The following NANOG variants were observed in gnomAD, a reference collection of about 807,000 sequenced individuals.
The protein encoded by NANOG is Nanog homeobox, also known as homeobox protein NANOG.
In NANOG, 2 loss-of-function variants were observed where a neutral mutation model predicts 17.7. The observed-to-expected ratio is 0.11, with a 90% CI of 0.05 to 0.36. The LOEUF (loss-of-function observed/expected upper bound fraction) is 0.36. Ranked by LOEUF, NANOG falls within the 10% of genes least tolerant of loss-of-function variation. The probability of loss-of-function intolerance (pLI) is 1.00; values close to 1 mark genes in which losing one functional copy is unlikely to be tolerated. For synonymous variants in NANOG, 81 were observed against 124.7 expected (o/e 0.65, Z 2.33); for missense variants, 174 against 362.1 (o/e 0.48, Z 4.22).
At position 7,796,719 on chromosome 12, in the gene NANOG, TGTTACTAA is replaced by T. The variant is rs1221070715; in HGVS notation, c.*1626_*1633del. ...TCTCATTATTTCCCCAATTGTCCAATGTTACTAAGACTATCCAGTCTAATTCCAAGTGT... is the reference window on the plus strand; with the variant it reads ...TCTCATTATTTCCCCAATTGTCCAATGACTATCCAGTCTAATTCCAAGTGT... On this transcript the variant is annotated 3_prime_UTR_variant, in exon 4 of 4. Transcript: ENST00000229307. 9.1e-5 allele frequency: 7 copies of T among 77,208 alleles called. No homozygotes were observed. Among genetic ancestry groups the T allele is most frequent in the African/African-American group, 2.1e-4 (7 of 32,924 alleles). 4.8% of individuals were successfully genotyped at this position (77,208 alleles called of 1,614,324 possible). A position where few individuals can be genotyped will look rare whatever the true frequency, so the allele number is the denominator to read the frequency against.
At position 7,789,488 on chromosome 12, in the gene NANOG, A is replaced by G; in HGVS notation, c.-127A>G. The G allele has an allele frequency of 2.6e-6, 2 of 770,910 alleles. No individual in the cohort carries two copies. The highest frequency in any genetic ancestry group is 4.2e-6 in the Non-Finnish European group (2 of 475,526). The allele number at this position is 770,910 out of a possible 1,614,324, so 47.8% of individuals were successfully genotyped here. On this transcript the variant is annotated 5_prime_UTR_variant, in exon 1 of 4. Coordinates refer to ENST00000229307, the MANE Select transcript of NANOG (RefSeq NM_024865.4). Reference sequence around the variant, plus strand: ...TTATGCAGGCAACTCACTTTATCCCAATTTCTTGATACTTTTCCTTCTGGA... The same window carrying G: ...TTATGCAGGCAACTCACTTTATCCCGATTTCTTGATACTTTTCCTTCTGGA...
chr12:7,793,240 G>C, intron 2 of NANOG, 28 bp downstream of exon 2: 3 of 1,610,302 alleles, frequency 1.9e-6, no homozygotes, highest in Non-Finnish European at 2.5e-6. Context: ...TTGGAATAAG[G>C]TGAACAAAAA....
rs1414452387 is a variant in NANOG, at chr12:7,796,757, T to A, written c.*1662T>A. 2 of 69,808 alleles carry A rather than the reference T, an allele frequency of 2.9e-5. No homozygotes were observed. Among genetic ancestry groups the A allele is most frequent in the African/African-American group, 6.5e-5 (2 of 30,978 alleles). The allele number at this position is 69,808 out of a possible 1,614,324, so 4.3% of individuals were successfully genotyped here. ...ATCCAGTCTAATTCCAAGTGTTTTT[T>A]TTTTGTTTTATTTTGTTTTTTTTTA... is the stretch of plus-strand genomic sequence containing the variant. On this transcript the variant is annotated 3_prime_UTR_variant, in exon 4 of 4. Coordinates refer to ENST00000229307, the MANE Select transcript of NANOG (RefSeq NM_024865.4).
At chr12:7,792,925 G>GT in intron 1 of NANOG, 25 bp from the exon 2 acceptor site, 1 of 1,560,634 alleles carries the variant, frequency 6.4e-7, no homozygotes, top group Non-Finnish European at 8.6e-7. Flanking sequence ...TTAGACAAAA[G>GT]TGTCCTTTTA....
At position 7,789,489 on chromosome 12, in the gene NANOG, A is replaced by G. The variant is rs1862804018; in HGVS notation, c.-126A>G. The G allele has an allele frequency of 3.8e-6, 3 of 781,224 alleles. No homozygotes were observed. Among genetic ancestry groups the G allele is most frequent in the Admixed American group, 2.7e-5 (1 of 37,030 alleles). The allele number at this position is 781,224 out of a possible 1,614,324, so 48.4% of individuals were successfully genotyped here. ...TATGCAGGCAACTCACTTTATCCCA[A>G]TTTCTTGATACTTTTCCTTCTGGAG... On this transcript the variant is annotated 5_prime_UTR_variant, in exon 1 of 4. Transcript: ENST00000229307.
At position 7,797,447 on chromosome 12, in the gene NANOG, T is replaced by G. The variant is rs964109921; in HGVS notation, c.*2352T>G. ...ATCTCTACTCACTGCAACCTGCACC[T>G]CCCAGGTTCAAGTGATTCTCTTGCC... On this transcript the variant is annotated 3_prime_UTR_variant, in exon 4 of 4. Coordinates refer to ENST00000229307, the MANE Select transcript of NANOG (RefSeq NM_024865.4). 1.4e-5 allele frequency: 2 copies of G among 147,076 alleles called. No homozygotes were observed. Among genetic ancestry groups the G allele is most frequent in the African/African-American group, 2.5e-5 (1 of 40,080 alleles). The allele number at this position is 147,076 out of a possible 1,614,324, so 9.1% of individuals were successfully genotyped here. A position where few individuals can be genotyped will look rare whatever the true frequency, so the allele number is the denominator to read the frequency against.
intron 2 of NANOG, among the ~76,000 whole-genome samples, chr12:7,793,533 T>C (rs2120570209): frequency 6.6e-6 from 1 of 152,340 alleles, no homozygotes; most frequent in East Asian, 1.9e-4. Context: ...CTCACACTGG[T>C]TCTCATTAAA....
rs1228243187 is a variant in NANOG at position 7,798,880 on chromosome 12, C to T, written c.*3785C>T. On this transcript the variant is annotated 3_prime_UTR_variant, in exon 4 of 4. Transcript: ENST00000229307. ...TAAATATTGCATGCCTCCTGGGGCCCCCATGGGCTTTGACTCAAGGGGGAG... is the reference window on the plus strand; with the variant it reads ...TAAATATTGCATGCCTCCTGGGGCCTCCATGGGCTTTGACTCAAGGGGGAG... 6 of 144,236 alleles carry T rather than the reference C, an allele frequency of 4.2e-5. No individual in the cohort carries two copies. In the East Asian group the frequency reaches 1.2e-3, roughly 29 times the overall value. 8.9% of individuals were successfully genotyped at this position (144,236 alleles called of 1,614,324 possible).
chr12:7,796,702 T>C lies in NANOG; in HGVS notation c.*1607T>C, dbSNP rs1592119439. On this transcript the variant is annotated 3_prime_UTR_variant, in exon 4 of 4. Transcript: ENST00000229307. The stretch of plus-strand genomic sequence containing the variant: ...TTTTTTCCAGTCTTTTCTCTCATTA[T>C]TTCCCCAATTGTCCAATGTTACTAA... 1 of 21,920 alleles carries C rather than the reference T, an allele frequency of 4.6e-5. No individual in the cohort carries two copies. The highest frequency in any genetic ancestry group is 3.6e-4 in the Non-Finnish European group (1 of 2,804). The allele number at this position is 21,920 out of a possible 1,614,324, so 1.4% of individuals were successfully genotyped here.
rs749126222 is a variant in NANOG, at chr12:7,789,457, A to T, written c.-158A>T. On this transcript the variant is annotated 5_prime_UTR_variant, in exon 1 of 4. The change abolishes an upstream ATG in the 5' untranslated region. Coordinates refer to ENST00000229307, the MANE Select transcript of NANOG (RefSeq NM_024865.4). ...TCTGCTGGACTGAGCTGGTTGCCTC[A>T]TGTTATTATGCAGGCAACTCACTTT... is the stretch of plus-strand genomic sequence containing the variant. 342 of 631,718 alleles carry T rather than the reference A, an allele frequency of 5.4e-4. 1 individual carries two copies. The African/African-American group carries it at 5.4e-3, about 10-fold the overall frequency. 39.1% of individuals were successfully genotyped at this position (631,718 alleles called of 1,614,324 possible). A position where few individuals can be genotyped will look rare whatever the true frequency, so the allele number is the denominator to read the frequency against.
chr12:7,792,966 C>T lies in NANOG; in HGVS notation c.168C>T (p.Ser56=), dbSNP rs1862862546. 6.2e-7 allele frequency: 1 copy of T among 1,605,906 alleles called. No homozygotes were observed. The highest frequency in any genetic ancestry group is 1.7e-5 in the Admixed American group (1 of 59,156). The change falls in exon 2 of 4, where the codon TCC becomes TCT. Residue 56 remains serine, a synonymous_variant. Transcript: ENST00000229307. ...TCCCAACAGTCTCTCCTCTTCCTTC[C>T]TCCATGGATCTGCTTATTCAGGACA... is the stretch of plus-strand genomic sequence containing the variant. ...PHTETVSPLP[S]SMDLLIQDSP...
chr12:7,798,623 G>A lies in NANOG; in HGVS notation c.*3528G>A, dbSNP rs1183654891. On this transcript the variant is annotated 3_prime_UTR_variant, in exon 4 of 4. Coordinates refer to ENST00000229307, the MANE Select transcript of NANOG (RefSeq NM_024865.4). The stretch of plus-strand genomic sequence containing the variant: ...TGGATTGAATTTGCCTGGGTTTTCC[G>A]AATTTCATAATATAAATTTAAAACT... The A allele has an allele frequency of 2.0e-5, 3 of 150,842 alleles. No homozygotes were observed. The highest frequency in any genetic ancestry group is 2.9e-5 in the Non-Finnish European group (2 of 67,848). The allele number at this position is 150,842 out of a possible 1,614,324, so 9.3% of individuals were successfully genotyped here.
Position 7,796,539 on chromosome 12 carries a change from A to G in NANOG, c.*1444A>G, listed in dbSNP as rs1239429175. ...AACAGATTTATGTTCTCACCTTAAG[A>G]GCAGCTACGCAGGCATCTGTGAATT... On this transcript the variant is annotated 3_prime_UTR_variant, in exon 4 of 4. Transcript: ENST00000229307. The G allele has an allele frequency of 6.6e-6, 1 of 152,196 alleles. No individual in the cohort carries two copies. Among genetic ancestry groups the G allele is most frequent in the Non-Finnish European group, 1.5e-5 (1 of 68,028 alleles). 9.4% of individuals were successfully genotyped at this position (152,196 alleles called of 1,614,324 possible).
chr12:7,791,215 T>C (rs114696665), intron 1 of NANOG, among the ~76,000 whole-genome samples: 60 of 151,936 alleles, frequency 3.9e-4, no homozygotes, highest in African/African-American at 1.4e-3. Flanking sequence ...TTCAGGTGAT[T>C]TCTCCTGTCT....
rs1862963257 is a variant in NANOG at position 7,798,961 on chromosome 12, C to CA, written c.*3867dup. ...CTGGGACAGACAAAAGCTTCCGGCACAGGAAGTTAGTTCGACTAAGGATAC... is the reference window on the plus strand; with the variant it reads ...CTGGGACAGACAAAAGCTTCCGGCACAAGGAAGTTAGTTCGACTAAGGATAC... On this transcript the variant is annotated 3_prime_UTR_variant, in exon 4 of 4. Transcript: ENST00000229307. 1 of 148,806 alleles carries CA rather than the reference C, an allele frequency of 6.7e-6. No homozygotes were observed. Among genetic ancestry groups the CA allele is most frequent in the Non-Finnish European group, 1.5e-5 (1 of 67,400 alleles). The allele number at this position is 148,806 out of a possible 1,614,324, so 9.2% of individuals were successfully genotyped here.
chr12:7,794,497 G>T lies in NANOG; in HGVS notation c.455G>T (p.Arg152Met). The change falls in exon 3 of 4, where the codon AGG (arginine) becomes ATG (methionine). Residue 152 changes from arginine to methionine, a missense_variant. Arg to Met is a moderately conservative substitution (Grantham distance 91). Around this residue, in one of 2 missense-constraint regions of NANOG, gnomAD observed 158 missense variants for 244.2 expected, o/e 0.65. Transcript: ENST00000229307. ...CAGAACCAGAGAATGAAATCTAAGA[G>T]GTGGCAGAAAAACAACTGGCCGAAG... ...WFQNQRMKSK[R>M]WQKNNWPKNS... 1 of 1,613,540 alleles carries T rather than the reference G, an allele frequency of 6.2e-7. No homozygotes were observed. The highest frequency in any genetic ancestry group is 1.3e-5 in the African/African-American group (1 of 75,020).
At chr12:7,790,802 A>G (rs1862829802) in intron 1 of NANOG, among the ~76,000 whole-genome samples, 3 of 152,080 alleles carry the variant, frequency 2.0e-5, no homozygotes, top group Non-Finnish European at 4.4e-5. Flanking sequence ...CTGGAGTGCA[A>G]TGGTGTGATC....
intron 1 of NANOG, among the ~76,000 whole-genome samples, chr12:7,790,742 A>G (rs1227851487): frequency 1.3e-5 from 2 of 149,058 alleles, no homozygotes; most frequent in Admixed American, 1.4e-4. Flanking sequence ...TTTGAATGTC[A>G]CCCTGCTTTT....
chr12:7,793,966 A>G (rs1398794831), intron 2 of NANOG, among the ~76,000 whole-genome samples: 3 of 152,092 alleles, frequency 2.0e-5, no homozygotes, highest in Non-Finnish European at 4.4e-5. Context: ...GCTGGTTTTC[A>G]ACTCCTGACC....
Sources: gnomAD v4.1 joint callset for allele counts (sites outside exome capture counted in the v4.1 genomes callset) on GRCh38, gnomAD v4.1.1 for gene constraint, gnomAD v4.1.1 regional missense constraint, MANE v1.5 for transcripts, NCBI Gene and HGNC (gene_info 2026-07-23, HGNC 2026-07-21) for gene names.